The following AFG2A variants were observed in gnomAD, a reference collection of about 807,000 sequenced individuals.
The protein encoded by AFG2A is ATPase family gene 2 protein homolog A.
the AFG2A span, among the ~76,000 whole-genome samples, chr4:123,043,881 A>G: frequency 6.6e-6 from 1 of 152,192 alleles, no homozygotes; most frequent in Non-Finnish European, 1.5e-5. Flanking sequence ...TTCTCAAAAC[A>G]CTTGCAGTCA....
the AFG2A span, among the ~76,000 whole-genome samples, chr4:123,034,085 A>AT: frequency 0.041 from 6,200 of 151,124 alleles, 406 homozygotes; most frequent in African/African-American, 0.14. Context: ...TTTTTAATAC[A>AT]TTTTTTTTTC....
the AFG2A span, among the ~76,000 whole-genome samples, chr4:123,243,662 G>A: frequency 2.6e-5 from 4 of 152,016 alleles, no homozygotes; most frequent in African/African-American, 9.7e-5. Context: ...TGAGTTAATG[G>A]GGGAAGCAAA....
the AFG2A span, among the ~76,000 whole-genome samples, chr4:123,299,117 A>ATTGTGTGTG: frequency 2.0e-5 from 3 of 147,120 alleles, no homozygotes; most frequent in Admixed American, 1.4e-4. Context: ...GCATCTGCCA[A>ATTGTGTGTG]TGTGTGTGTG....
At chr4:123,240,260 C>T in the AFG2A span, among the ~76,000 whole-genome samples, 1 of 152,184 alleles carries the variant, frequency 6.6e-6, no homozygotes, top group African/African-American at 2.4e-5. Context: ...GACTTGAACT[C>T]AGCTCTGCAC....
the AFG2A span, among the ~76,000 whole-genome samples, chr4:122,951,037 G>A: frequency 6.6e-6 from 1 of 152,174 alleles, no homozygotes; most frequent in Non-Finnish European, 1.5e-5. Context: ...CTCCCTTGAG[G>A]AGACGAATGC....
chr4:122,924,041 A>G, the AFG2A span, among the ~76,000 whole-genome samples: 1 of 152,240 alleles, frequency 6.6e-6, no homozygotes, highest in African/African-American at 2.4e-5. Context: ...GATGTGTAAT[A>G]GCTTTGAAAA....
chr4:122,923,264 C>A, the AFG2A span: 1 of 1,614,024 alleles, frequency 6.2e-7, no homozygotes, highest in Non-Finnish European at 8.5e-7. Flanking sequence ...GACTTCGCGG[C>A]AACCTCCGGG....
At chr4:123,027,005 G>A in the AFG2A span, among the ~76,000 whole-genome samples, 1 of 152,224 alleles carries the variant, frequency 6.6e-6, no homozygotes, top group East Asian at 1.9e-4. Flanking sequence ...CTCTCCAAAT[G>A]TAGCTTTAAG....
chr4:123,197,219 C>G, the AFG2A span, among the ~76,000 whole-genome samples: 1 of 152,084 alleles, frequency 6.6e-6, no homozygotes, highest in Non-Finnish European at 1.5e-5. Context: ...CATTAGTCTT[C>G]TTATTATAGA....
the AFG2A span, among the ~76,000 whole-genome samples, chr4:123,128,311 C>T: frequency 1.3e-5 from 2 of 152,130 alleles, no homozygotes; most frequent in Non-Finnish European, 2.9e-5. Flanking sequence ...AGAAGTATCT[C>T]CCTGGTAGTT....
the AFG2A span, among the ~76,000 whole-genome samples, chr4:123,151,973 T>C: frequency 6.6e-6 from 1 of 152,184 alleles, no homozygotes; most frequent in East Asian, 1.9e-4. Context: ...TCATGTCCTT[T>C]GTAGGGACAT....
chr4:123,134,274 T>C, the AFG2A span, among the ~76,000 whole-genome samples: 2 of 152,212 alleles, frequency 1.3e-5, no homozygotes, highest in East Asian at 3.8e-4. Context: ...TTTGACTTGA[T>C]TCATGTATAA....
the AFG2A span, among the ~76,000 whole-genome samples, chr4:123,066,583 A>G: frequency 2.0e-5 from 3 of 152,124 alleles, no homozygotes; most frequent in African/African-American, 7.2e-5. Context: ...AAGTACATTT[A>G]TTTCAGGGTA....
At chr4:122,994,527 A>G in the AFG2A span, among the ~76,000 whole-genome samples, 1 of 152,068 alleles carries the variant, frequency 6.6e-6, no homozygotes, top group Non-Finnish European at 1.5e-5. Context: ...CCTCACCTCC[A>G]TGCTTTCTCT....
the AFG2A span, chr4:122,979,118 C>A: frequency 1.3e-5 from 16 of 1,262,878 alleles, 1 homozygote; most frequent in South Asian, 2.3e-4. Context: ...ACGCCTCCCC[C>A]ACTGCAGCCA....
At chr4:123,181,642 A>C in the AFG2A span, among the ~76,000 whole-genome samples, 1 of 152,052 alleles carries the variant, frequency 6.6e-6, no homozygotes, top group African/African-American at 2.4e-5. Flanking sequence ...TAAATTAATA[A>C]AAATGTAGAA....
chr4:123,121,249 A>T, the AFG2A span, among the ~76,000 whole-genome samples: 68,249 of 140,736 alleles, frequency 0.48, 18,989 homozygotes, highest in East Asian at 0.64. Flanking sequence ...GTCAAAAAGT[A>T]AAAAAAAAAA....
the AFG2A span, among the ~76,000 whole-genome samples, chr4:123,233,714 G>GGT: frequency 1.3e-3 from 201 of 149,372 alleles, no homozygotes; most frequent in African/African-American, 4.3e-3. Flanking sequence ...TTCATACATG[G>GGT]GTGTATGTGT....
chr4:123,048,956 G>C, the AFG2A span, among the ~76,000 whole-genome samples: 2 of 152,032 alleles, frequency 1.3e-5, no homozygotes, highest in East Asian at 3.9e-4. Flanking sequence ...TTGGTGTAAA[G>C]GCTTTCCATT....
Sources: gnomAD v4.1 joint callset for allele counts (sites outside exome capture counted in the v4.1 genomes callset) on GRCh38, gnomAD v4.1.1 for gene constraint, MANE v1.5 for transcripts, NCBI Gene and HGNC (gene_info 2026-07-23, HGNC 2026-07-21) for gene names.